CNTN5: variants seen among roughly 807,000 people sequenced by gnomAD.
CNTN5 encodes the protein contactin-5.
CNTN5 carries 77 observed loss-of-function variants against 129.1 expected under a neutral mutation model. That is an observed-to-expected ratio of 0.60 (90% confidence interval 0.50 to 0.72). CNTN5 has a LOEUF of 0.72. Ranked by LOEUF, CNTN5 falls within the 30% of genes least tolerant of loss-of-function variation. The pLI is 0.00. For missense variants in CNTN5, 1,478 were observed against 1,328.8 expected (o/e 1.11, Z -1.75); for synonymous variants, 509 against 465.6 (o/e 1.09, Z -1.20).
intron 6 of CNTN5, among the ~76,000 whole-genome samples, chr11:99,852,343 T>A (rs1249539718): frequency 1.3e-5 from 2 of 152,330 alleles, no homozygotes; most frequent in South Asian, 2.1e-4. Context: ...AATTTTATGA[T>A]TTACTTTAAA....
At chr11:99,547,157 C>T (rs1436355395) in intron 2 of CNTN5, among the ~76,000 whole-genome samples, 1 of 152,018 alleles carries the variant, frequency 6.6e-6, no homozygotes, top group Non-Finnish European at 1.5e-5. Context: ...TCATGCACCA[C>T]CACACCCGGC....
intron 2 of CNTN5, among the ~76,000 whole-genome samples, chr11:99,385,553 A>T (rs1270178868): frequency 6.6e-6 from 1 of 152,226 alleles, no homozygotes; most frequent in Admixed American, 6.5e-5. Flanking sequence ...ATTGCATAGG[A>T]ATGTAATCAA....
chr11:99,714,201 T>A (rs1955122548), intron 3 of CNTN5, among the ~76,000 whole-genome samples: 1 of 151,958 alleles, frequency 6.6e-6, no homozygotes, highest in Non-Finnish European at 1.5e-5. Flanking sequence ...TTAACATTTA[T>A]AGAACCCTTG....
intron 8 of CNTN5, among the ~76,000 whole-genome samples, chr11:99,979,086 A>G (rs896255627): frequency 2.0e-5 from 3 of 152,174 alleles, no homozygotes; most frequent in Non-Finnish European, 2.9e-5. Context: ...TAGAATAATT[A>G]TAAGTGTAAA....
At chr11:100,029,596 A>T (rs1170021936) in intron 9 of CNTN5, among the ~76,000 whole-genome samples, 2 of 152,114 alleles carry the variant, frequency 1.3e-5, no homozygotes, top group African/African-American at 4.8e-5. Context: ...AAAAGAAAAA[A>T]CATGCTAATA....
intron 2 of CNTN5, among the ~76,000 whole-genome samples, chr11:99,373,900 A>C (rs758294760): frequency 1.1e-4 from 16 of 152,164 alleles, no homozygotes; most frequent in Non-Finnish European, 1.5e-4. Context: ...TTTTATCTTT[A>C]CAAGCCTCAG....
intron 1 of CNTN5, among the ~76,000 whole-genome samples, chr11:99,223,933 T>C (rs1280093584): frequency 1.3e-5 from 2 of 152,206 alleles, no homozygotes; most frequent in Non-Finnish European, 2.9e-5. Context: ...TATAGGACAT[T>C]GTTGTCCAAG....
chr11:99,679,306 T>C (rs1289482502), intron 3 of CNTN5, among the ~76,000 whole-genome samples: 3 of 151,748 alleles, frequency 2.0e-5, no homozygotes, highest in Non-Finnish European at 4.4e-5. Flanking sequence ...CTCTGCTTTA[T>C]TATACTGTGG....
chr11:99,342,082 G>C (rs2136057719), intron 2 of CNTN5, among the ~76,000 whole-genome samples: 2 of 152,140 alleles, frequency 1.3e-5, no homozygotes, highest in Admixed American at 1.3e-4. Context: ...GTGTTTATTT[G>C]TCATGCTGAT....
At chr11:100,227,529 C>G (rs1949403549) in intron 16 of CNTN5, among the ~76,000 whole-genome samples, 1 of 152,160 alleles carries the variant, frequency 6.6e-6, no homozygotes, top group South Asian at 2.1e-4. Flanking sequence ...CACCTCTATT[C>G]CACCATGATC....
intron 13 of CNTN5, among the ~76,000 whole-genome samples, chr11:100,122,687 A>G (rs1946064959): frequency 6.6e-6 from 1 of 152,068 alleles, no homozygotes. Context: ...TAAATGGGCC[A>G]TTCTGATGGT....
At chr11:99,887,576 T>C (rs1220082155) in intron 6 of CNTN5, among the ~76,000 whole-genome samples, 1 of 152,216 alleles carries the variant, frequency 6.6e-6, no homozygotes, top group Middle Eastern at 3.2e-3. Context: ...CAATAGGCCA[T>C]CTGCAAACTG....
At chr11:99,995,327 A>T (rs944625531) in intron 8 of CNTN5, among the ~76,000 whole-genome samples, 7 of 51,384 alleles carry the variant, frequency 1.4e-4, no homozygotes, top group Admixed American at 1.8e-4. Context: ...CCAAAAAATT[A>T]AAAAAAAAAA....
chr11:99,309,380 A>G (rs1865010436), intron 1 of CNTN5, among the ~76,000 whole-genome samples: 1 of 152,192 alleles, frequency 6.6e-6, no homozygotes, highest in Non-Finnish European at 1.5e-5. Flanking sequence ...ATAGTCCTGT[A>G]TTAGTTTGGA....
Position 99,532,524 on chromosome 11 carries a change from G to A in CNTN5, c.-70-23621G>A, listed in dbSNP as rs150293544. On this transcript the variant is annotated intron_variant, in intron 2 of 24. Transcript: ENST00000524871. ...GGCCAGGGCAGAATGATATGGGTTG[G>A]CCATGTCTCCACTCAAATCTCAACT... Among the ~76,000 whole-genome samples, 213 of 152,178 alleles carry A rather than the reference G, an allele frequency of 1.4e-3. 3 individuals carry two copies. Among genetic ancestry groups the A allele is most frequent in the East Asian group, 0.013 (69 of 5,140 alleles).
At chr11:99,716,960 A>C (rs1202543328) in intron 3 of CNTN5, among the ~76,000 whole-genome samples, 3 of 152,228 alleles carry the variant, frequency 2.0e-5, no homozygotes, top group South Asian at 2.1e-4. Flanking sequence ...GGAGCAACTA[A>C]GTGAATCAAC....
At chr11:99,917,534 A>T (rs1027458414) in intron 7 of CNTN5, among the ~76,000 whole-genome samples, 1 of 152,140 alleles carries the variant, frequency 6.6e-6, no homozygotes, top group Non-Finnish European at 1.5e-5. Flanking sequence ...AGGGGAAAAG[A>T]AGGGGAAGGA....
At chr11:100,315,270 T>G (rs2138943083) in intron 21 of CNTN5, among the ~76,000 whole-genome samples, 1 of 152,304 alleles carries the variant, frequency 6.6e-6, no homozygotes, top group Non-Finnish European at 1.5e-5. Flanking sequence ...TCTTAATTGG[T>G]TTAAGAAATA....
intron 9 of CNTN5, among the ~76,000 whole-genome samples, chr11:100,006,421 GCCA>G (rs1940193052): frequency 6.6e-6 from 1 of 152,086 alleles, no homozygotes; most frequent in Middle Eastern, 3.2e-3. Context: ...CTCTAACTCT[GCCA>G]CCACTTTGTC....
Sources: allele counts gnomAD v4.1 joint callset (sites outside exome capture counted in the v4.1 genomes callset), GRCh38; gene constraint gnomAD v4.1.1; transcripts MANE v1.5; gene names NCBI Gene and HGNC (gene_info 2026-07-23, HGNC 2026-07-21).